Variants in CDKAL1 observed in about 807,000 individuals in gnomAD.
The protein encoded by CDKAL1 is threonylcarbamoyladenosine tRNA methylthiotransferase.
Under a neutral mutation model 68.2 loss-of-function variants are expected in CDKAL1, and 32 were observed. The observed-to-expected ratio is 0.47, with a 90% CI of 0.35 to 0.63. The LOEUF is 0.63. Ranked by LOEUF, CDKAL1 falls within the 30% of genes least tolerant of loss-of-function variation. The pLI is 0.00. For missense variants in CDKAL1, 606 were observed against 696.7 expected, an observed-to-expected ratio of 0.87 and a Z score of 1.47; for synonymous variants, 234 against 244.3, an observed-to-expected ratio of 0.96 and a Z score of 0.39.
chr6:21,152,707 A>G (rs11961031), intron 13 of CDKAL1, among the ~76,000 whole-genome samples: 2,543 of 152,328 alleles, frequency 0.017, 73 homozygotes, highest in African/African-American at 0.056. Context: ...AATATCCTCA[A>G]TGCAGCTTTT....
chr6:20,715,315 A>G (rs1299422927), intron 5 of CDKAL1, among the ~76,000 whole-genome samples: 3 of 152,142 alleles, frequency 2.0e-5, no homozygotes, highest in Non-Finnish European at 4.4e-5. Flanking sequence ...AGATGATGCA[A>G]TATTTTTCTT....
intron 12 of CDKAL1, among the ~76,000 whole-genome samples, chr6:21,067,494 C>G (rs776274166): frequency 6.6e-5 from 10 of 152,112 alleles, no homozygotes; most frequent in Middle Eastern, 3.2e-3. Context: ...CGCCTGTAGT[C>G]TCAGCTATTC....
intron 13 of CDKAL1, among the ~76,000 whole-genome samples, chr6:21,134,989 G>A (rs924414900): frequency 6.6e-6 from 1 of 151,960 alleles, no homozygotes; most frequent in Non-Finnish European, 1.5e-5. Flanking sequence ...ACCACTAAGA[G>A]CACTGCATTG....
At chr6:20,663,354 T>C (rs1769377869) in intron 5 of CDKAL1, among the ~76,000 whole-genome samples, 1 of 152,106 alleles carries the variant, frequency 6.6e-6, no homozygotes, top group Non-Finnish European at 1.5e-5. Flanking sequence ...GGGTATAAAC[T>C]TTGGGACAAG....
chr6:20,894,069 A>G (rs999115360), intron 9 of CDKAL1, among the ~76,000 whole-genome samples: 8 of 152,230 alleles, frequency 5.3e-5, no homozygotes, highest in African/African-American at 1.9e-4. Context: ...CATTTTAATC[A>G]AAGACAGAAT....
chr6:20,930,945 A>G (rs950139959), intron 9 of CDKAL1, among the ~76,000 whole-genome samples: 1 of 149,994 alleles, frequency 6.7e-6, no homozygotes, highest in African/African-American at 2.5e-5. Flanking sequence ...GGGTTTCACC[A>G]TGTTGGCCAA....
chr6:20,600,601 TG>T (rs1465625435), intron 4 of CDKAL1, among the ~76,000 whole-genome samples: 1 of 151,898 alleles, frequency 6.6e-6, no homozygotes, highest in Non-Finnish European at 1.5e-5. Flanking sequence ...TCTATTAAAA[TG>T]TTTTTTTTAA....
At chr6:21,011,244 C>T (rs544096561) in intron 11 of CDKAL1, among the ~76,000 whole-genome samples, 30 of 150,960 alleles carry the variant, frequency 2.0e-4, no homozygotes, top group African/African-American at 6.3e-4. Flanking sequence ...ATTAGCCGGG[C>T]GCGGTGGCGG....
chr6:21,221,686 A>T (rs1040802327), intron 15 of CDKAL1, among the ~76,000 whole-genome samples: 2 of 152,228 alleles, frequency 1.3e-5, no homozygotes, highest in African/African-American at 2.4e-5. Context: ...ACTCTAATTT[A>T]TCCTGAGATC....
intron 11 of CDKAL1, among the ~76,000 whole-genome samples, chr6:21,034,392 G>A (rs1185976720): frequency 6.6e-6 from 1 of 152,060 alleles, no homozygotes; most frequent in African/African-American, 2.4e-5. Context: ...TGCCATCTTT[G>A]TCTTATCACT....
At chr6:20,674,240 C>T (rs1274666215) in intron 5 of CDKAL1, among the ~76,000 whole-genome samples, 2 of 152,026 alleles carry the variant, frequency 1.3e-5, no homozygotes, top group African/African-American at 4.8e-5. Context: ...TGTCTAATAG[C>T]AGTTTCTTTT....
intron 4 of CDKAL1, among the ~76,000 whole-genome samples, chr6:20,583,528 A>G (rs969356444): frequency 1.3e-5 from 2 of 152,210 alleles, no homozygotes; most frequent in African/African-American, 4.8e-5. Context: ...ACACACTTGA[A>G]ATATTTGCAT....
chr6:20,971,471 C>CTG (rs1415298945), intron 10 of CDKAL1, among the ~76,000 whole-genome samples: 8 of 152,182 alleles, frequency 5.3e-5, no homozygotes, highest in Admixed American at 4.6e-4. Context: ...GATATAAACT[C>CTG]TAGAATTTGC....
At chr6:21,041,952 C>T (rs1769958009) in intron 11 of CDKAL1, among the ~76,000 whole-genome samples, 1 of 151,802 alleles carries the variant, frequency 6.6e-6, no homozygotes, top group Non-Finnish European at 1.5e-5. Flanking sequence ...TGATGTGGGA[C>T]TTAATTTTGA....
At chr6:20,723,616 C>T (rs542260112) in intron 5 of CDKAL1, 5 of 198,032 alleles carry the variant, frequency 2.5e-5, no homozygotes, top group South Asian at 1.1e-4. Context: ...TTGCCACACG[C>T]GTTACAGAAA....
intron 12 of CDKAL1, 79 bp from the exon 13 acceptor site, chr6:21,108,322 C>T (rs1414304229): frequency 7.6e-6 from 6 of 790,286 alleles, no homozygotes; most frequent in African/African-American, 5.4e-5. Context: ...GAGATATATA[C>T]ACACATGTAT....
chr6:21,017,207 G>C (rs1768392317), intron 11 of CDKAL1, among the ~76,000 whole-genome samples: 1 of 152,128 alleles, frequency 6.6e-6, no homozygotes, highest in South Asian at 2.1e-4. Context: ...ATAACATAAG[G>C]AGTATTTTTG....
chr6:20,869,296 C>T (rs1760070948), intron 9 of CDKAL1, among the ~76,000 whole-genome samples: 1 of 152,176 alleles, frequency 6.6e-6, no homozygotes, highest in Non-Finnish European at 1.5e-5. Context: ...CCATTTACCA[C>T]TCTTGTAGTT....
intron 12 of CDKAL1, among the ~76,000 whole-genome samples, chr6:21,100,100 C>T (rs1241751086): frequency 1.3e-5 from 2 of 152,062 alleles, no homozygotes; most frequent in African/African-American, 2.4e-5. Context: ...GGTGCCTGCT[C>T]CTCTACCACC....
Sources: gnomAD v4.1 joint callset for allele counts (sites outside exome capture counted in the v4.1 genomes callset) on GRCh38, gnomAD v4.1.1 for gene constraint, MANE v1.5 for transcripts, NCBI Gene and HGNC (gene_info 2026-07-23, HGNC 2026-07-21) for gene names.